Variants in PHF21A observed in about 807,000 individuals in gnomAD.
PHF21A encodes the protein BHC80a.
A neutral mutation model predicts 82.5 loss-of-function variants in PHF21A; 11 were observed. That is an observed-to-expected ratio of 0.13 (90% confidence interval 0.08 to 0.22). The LOEUF (loss-of-function observed/expected upper bound fraction) is 0.22. Among genes scored for constraint, PHF21A ranks in the 10% least tolerant of loss-of-function variants. The pLI is 1.00. For synonymous variants in PHF21A, 297 were observed against 302.8 expected, an observed-to-expected ratio of 0.98 and a Z score of 0.20; for missense variants, 579 against 837.8, an observed-to-expected ratio of 0.69 and a Z score of 3.81.
intron 9 of PHF21A, among the ~76,000 whole-genome samples, chr11:45,969,236 G>C (rs988584404): frequency 3.9e-5 from 6 of 152,182 alleles, no homozygotes; most frequent in Non-Finnish European, 8.8e-5. Context: ...ATTTTGCACT[G>C]GGAATGGTGA....
intron 6 of PHF21A, among the ~76,000 whole-genome samples, chr11:46,066,237 T>G (rs1304734057): frequency 6.6e-6 from 1 of 152,140 alleles, no homozygotes; most frequent in Non-Finnish European, 1.5e-5. Context: ...ACGAAGGGAT[T>G]TATGTTGTGA....
chr11:45,934,341 T>A, intron 18 of PHF21A, 116 bp from the exon 19 acceptor site: 9 of 1,056,936 alleles, frequency 8.5e-6, no homozygotes, highest in Non-Finnish European at 1.2e-5. Context: ...TGCTGGCTGC[T>A]GTGCAGCCCC....
intron 6 of PHF21A, among the ~76,000 whole-genome samples, chr11:46,062,056 GATT>G (rs2096541273): frequency 6.6e-6 from 1 of 151,516 alleles, no homozygotes; most frequent in African/African-American, 2.4e-5. Flanking sequence ...GATGACATCT[GATT>G]CCCAATCCCT....
rs956641129 is a variant in PHF21A at position 45,933,602 on chromosome 11, C to T, written c.*366G>A. 4 of 185,362 alleles carry T rather than the reference C, an allele frequency of 2.2e-5. No individual in the cohort carries two copies. Among genetic ancestry groups the T allele is most frequent in the African/African-American group, 9.3e-5 (4 of 42,824 alleles). 11.5% of individuals were successfully genotyped at this position (185,362 alleles called of 1,614,324 possible). ...CTGAAACCTGCTCTCCTCCCTCCGCCCGTCCCTGCTCCCCACCCAAGAAAA... is the reference window on the plus strand; with the variant it reads ...CTGAAACCTGCTCTCCTCCCTCCGCTCGTCCCTGCTCCCCACCCAAGAAAA... On this transcript the variant is annotated 3_prime_UTR_variant, in exon 19 of 19. Transcript: ENST00000676320.
intron 6 of PHF21A, among the ~76,000 whole-genome samples, chr11:46,028,350 T>C (rs921934617): frequency 3.9e-5 from 6 of 152,100 alleles, no homozygotes; most frequent in Non-Finnish European, 7.4e-5. Context: ...ATGTTAATAG[T>C]TGAGTGTTAA....
intron 6 of PHF21A, among the ~76,000 whole-genome samples, chr11:46,031,553 A>G (rs931217308): frequency 6.6e-6 from 1 of 152,214 alleles, no homozygotes; most frequent in African/African-American, 2.4e-5. Context: ...TAGTTCATGC[A>G]GCCGGTACGA....
At chr11:46,013,906 G>A (rs530740902) in intron 6 of PHF21A, among the ~76,000 whole-genome samples, 1 of 152,216 alleles carries the variant, frequency 6.6e-6, no homozygotes, top group Admixed American at 6.5e-5. Context: ...TGAATGAGTG[G>A]TTAGTAAATG....
rs554673498 is a variant in PHF21A, at chr11:46,055,905, G to C, written c.153+20849C>G. Reference sequence around the variant, plus strand: ...GTTTTGTTTTGCTAATTCAGAATCAGTTCCCATTTGGCAGGTGTCTCAAAT... The same window carrying C: ...GTTTTGTTTTGCTAATTCAGAATCACTTCCCATTTGGCAGGTGTCTCAAAT... On this transcript the variant is annotated intron_variant, in intron 6 of 18. Coordinates refer to ENST00000676320, the MANE Select transcript of PHF21A (RefSeq NM_001352027.3). 2.1e-4 allele frequency among the ~76,000 whole-genome samples: 32 copies of C among 152,296 alleles called. 1 individual carries two copies. Among genetic ancestry groups the C allele is most frequent in the Admixed American group, 9.8e-4 (15 of 15,284 alleles).
intron 6 of PHF21A, among the ~76,000 whole-genome samples, chr11:45,985,946 G>T (rs1046684725): frequency 1.3e-5 from 2 of 152,056 alleles, no homozygotes; most frequent in East Asian, 1.9e-4. Context: ...AATTATCAGA[G>T]ATTTTTTTCA....
intron 3 of PHF21A, among the ~76,000 whole-genome samples, chr11:46,086,277 C>G (rs1479957155): frequency 6.6e-6 from 1 of 152,092 alleles, no homozygotes; most frequent in East Asian, 1.9e-4. Flanking sequence ...CGCCACTACA[C>G]CCGGCTAATT....
chr11:46,047,532 T>C (rs1205095571), intron 6 of PHF21A, among the ~76,000 whole-genome samples: 1 of 152,184 alleles, frequency 6.6e-6, no homozygotes, highest in Non-Finnish European at 1.5e-5. Flanking sequence ...ATCTCCATTT[T>C]TCAGGTAAGG....
chr11:45,975,006 G>A (rs1397032662), intron 7 of PHF21A, among the ~76,000 whole-genome samples: 2 of 152,038 alleles, frequency 1.3e-5, no homozygotes, highest in East Asian at 3.9e-4. Flanking sequence ...CAAATATGAA[G>A]TATTGATTTA....
At chr11:46,012,350 C>T (rs1194404956) in intron 6 of PHF21A, among the ~76,000 whole-genome samples, 1 of 152,170 alleles carries the variant, frequency 6.6e-6, no homozygotes. Flanking sequence ...CCTTCTTAGA[C>T]CCTTTTATAT....
chr11:46,047,167 G>A (rs2096270532), intron 6 of PHF21A, among the ~76,000 whole-genome samples: 1 of 152,180 alleles, frequency 6.6e-6, no homozygotes, highest in South Asian at 2.1e-4. Context: ...AAAGGCTTCA[G>A]GCAGGTTACT....
Position 45,929,830 on chromosome 11 carries a change from G to C in PHF21A, c.*4138C>G, listed in dbSNP as rs1188878469. ...AGCAAGGGGCCAGAAGACTGCCCAGGGCTGCCCACTCCTGTCTTGGAGAGG... is the reference window on the plus strand; with the variant it reads ...AGCAAGGGGCCAGAAGACTGCCCAGCGCTGCCCACTCCTGTCTTGGAGAGG... On this transcript the variant is annotated 3_prime_UTR_variant, in exon 19 of 19. Transcript: ENST00000676320. The C allele has an allele frequency of 1.3e-5, 2 of 152,198 alleles. No homozygotes were observed. Among genetic ancestry groups the C allele is most frequent in the Non-Finnish European group, 2.9e-5 (2 of 68,066 alleles). The allele number at this position is 152,198 out of a possible 1,614,324, so 9.4% of individuals were successfully genotyped here. A position where few individuals can be genotyped will look rare whatever the true frequency, so the allele number is the denominator to read the frequency against.
chr11:46,090,018 G>T (rs940565724), intron 3 of PHF21A, among the ~76,000 whole-genome samples: 3 of 151,662 alleles, frequency 2.0e-5, no homozygotes, highest in African/African-American at 4.9e-5. Flanking sequence ...TGGGGTCCAG[G>T]CTGTCTGAAT....
chr11:46,082,748 T>C (rs2096807743), intron 4 of PHF21A, among the ~76,000 whole-genome samples: 1 of 152,226 alleles, frequency 6.6e-6, no homozygotes, highest in South Asian at 2.1e-4. Flanking sequence ...AAAATTGGTA[T>C]GCTTGAATTC....
chr11:46,103,632 G>C (rs1270902210), intron 1 of PHF21A, among the ~76,000 whole-genome samples: 2 of 152,108 alleles, frequency 1.3e-5, no homozygotes, highest in Non-Finnish European at 2.9e-5. Context: ...GGGTTAGTGA[G>C]AACAAAAAGT....
chr11:45,952,800 C>T (rs1178610601), intron 11 of PHF21A, among the ~76,000 whole-genome samples: 3 of 152,198 alleles, frequency 2.0e-5, no homozygotes, highest in South Asian at 4.1e-4. Context: ...AAGAGAATTA[C>T]TGGCCAAATG....
Sources: allele counts gnomAD v4.1 joint callset (sites outside exome capture counted in the v4.1 genomes callset), GRCh38; gene constraint gnomAD v4.1.1; transcripts MANE v1.5; gene names NCBI Gene and HGNC (gene_info 2026-07-23, HGNC 2026-07-21).